The following CETN3 variants were observed in gnomAD, a reference collection of about 807,000 sequenced individuals.
CETN3 encodes centrin 3, also known as centrin-3.
Under a neutral mutation model 20.1 loss-of-function variants are expected in CETN3, and 17 were observed. That is an observed-to-expected ratio of 0.85 (90% CI 0.58 to 1.27). The LOEUF is 1.27. Among genes scored for constraint, CETN3 ranks in the 50% most tolerant of loss-of-function variants. The probability of loss-of-function intolerance (pLI) is 0.00; values close to 1 mark genes in which losing one functional copy is unlikely to be tolerated. For missense variants in CETN3, 169 were observed against 191.2 expected, an observed-to-expected ratio of 0.88 and a Z score of 0.69; for synonymous variants, 52 against 59.7, an observed-to-expected ratio of 0.87 and a Z score of 0.59.
intron 1 of CETN3, among the ~76,000 whole-genome samples, chr5:90,408,625 T>C (rs973396832): frequency 1.3e-5 from 2 of 152,118 alleles, no homozygotes; most frequent in African/African-American, 4.8e-5. Context: ...GCCAGAAATG[T>C]TTTCCTTAAG....
At chr5:90,406,052 T>C (rs1198878115) in intron 2 of CETN3, among the ~76,000 whole-genome samples, 1 of 152,058 alleles carries the variant, frequency 6.6e-6, no homozygotes, top group African/African-American at 2.4e-5. Context: ...CAGATTTTAC[T>C]ATATAAAATG....
At chr5:90,399,315 AG>A (rs1318020806) in intron 4 of CETN3, 42 bp downstream of exon 4, 1 of 1,581,042 alleles carries the variant, frequency 6.3e-7, no homozygotes. Context: ...TTACATGTGT[AG>A]CATCAGGAAA....
chr5:90,405,986 GT>G (rs34987197), intron 2 of CETN3, among the ~76,000 whole-genome samples, 187 bp from the exon 3 acceptor site: 2 of 152,072 alleles, frequency 1.3e-5, no homozygotes, highest in Non-Finnish European at 2.9e-5. Context: ...GTATGCATAA[GT>G]TTTTTCATTT....
intron 3 of CETN3, among the ~76,000 whole-genome samples, chr5:90,402,508 TC>T (rs879927356): frequency 6.6e-6 from 1 of 152,192 alleles, no homozygotes; most frequent in Admixed American, 6.5e-5. Flanking sequence ...TCTCTACTCT[TC>T]CTGGCAATCT....
intron 4 of CETN3, among the ~76,000 whole-genome samples, chr5:90,397,591 G>C (rs953605096): frequency 6.6e-6 from 1 of 152,082 alleles, no homozygotes; most frequent in African/African-American, 2.4e-5. Context: ...AGTTCCAACT[G>C]AGTATGTTGC....
intron 4 of CETN3, chr5:90,396,473 T>A: frequency 6.6e-7 from 1 of 1,524,998 alleles, no homozygotes; most frequent in African/African-American, 1.4e-5. Context: ...AAATTATTAA[T>A]CAGTTTAGCC....
At chr5:90,407,148 C>T (rs1447034855) in intron 2 of CETN3, among the ~76,000 whole-genome samples, 2 of 151,872 alleles carry the variant, frequency 1.3e-5, no homozygotes, top group African/African-American at 4.8e-5. Flanking sequence ...CTCCTTATAC[C>T]CTGACAAATA....
At chr5:90,406,657 A>G (rs541423215) in intron 2 of CETN3, among the ~76,000 whole-genome samples, 4 of 152,008 alleles carry the variant, frequency 2.6e-5, no homozygotes, top group African/African-American at 7.2e-5. Flanking sequence ...GTTTATGAGC[A>G]ATGAACAATT....
At chr5:90,403,089 T>C (rs1270727894) in intron 3 of CETN3, among the ~76,000 whole-genome samples, 1 of 152,252 alleles carries the variant, frequency 6.6e-6, no homozygotes, top group African/African-American at 2.4e-5. Flanking sequence ...TCAGGCTGTC[T>C]TGACTCTAAA....
chr5:90,397,454 C>T (rs767109662), intron 4 of CETN3, among the ~76,000 whole-genome samples: 2 of 151,998 alleles, frequency 1.3e-5, no homozygotes, highest in Non-Finnish European at 2.9e-5. Context: ...ATTTTTCATA[C>T]ATCAACCATT....
intron 3 of CETN3, among the ~76,000 whole-genome samples, chr5:90,399,820 AGGACT>A (rs1353767691): frequency 1.3e-5 from 2 of 152,222 alleles, no homozygotes; most frequent in Non-Finnish European, 2.9e-5. Flanking sequence ...CAAAATAAAA[AGGACT>A]ACATTTATAC....
intron 4 of CETN3, chr5:90,398,907 C>T: frequency 4.6e-6 from 1 of 216,892 alleles, no homozygotes; most frequent in Non-Finnish European, 9.3e-6. Context: ...TAGCACCAGT[C>T]AACACGCAGG....
At chr5:90,399,851 TCTA>T (rs1191251222) in intron 3 of CETN3, among the ~76,000 whole-genome samples, 1 of 152,178 alleles carries the variant, frequency 6.6e-6, no homozygotes, top group Non-Finnish European at 1.5e-5. Context: ...TTATTTAAGA[TCTA>T]CTATTATCAA....
At chr5:90,396,417 A>G in intron 4 of CETN3, 1 of 1,469,990 alleles carries the variant, frequency 6.8e-7, no homozygotes, top group Non-Finnish European at 9.0e-7. Flanking sequence ...ATCTTAGGAA[A>G]GCTATGATCC....
intron 3 of CETN3, among the ~76,000 whole-genome samples, chr5:90,403,725 G>C (rs988469231): frequency 3.7e-4 from 56 of 150,508 alleles, no homozygotes; most frequent in Non-Finnish European, 7.1e-4. Context: ...CAAAAAATTA[G>C]CCGGGCGTAG....
chr5:90,409,513 C>G (rs1749566592), intron 1 of CETN3, 132 bp downstream of exon 1: 1 of 1,062,790 alleles, frequency 9.4e-7, no homozygotes. Flanking sequence ...GCAGGCTGCC[C>G]TAGGCTCCTT....
At chr5:90,400,297 C>T (rs749037925) in intron 3 of CETN3, among the ~76,000 whole-genome samples, 11 of 152,086 alleles carry the variant, frequency 7.2e-5, no homozygotes, top group Non-Finnish European at 1.6e-4. Context: ...TAGTTTCAAA[C>T]CTCAATGGTA....
At position 90,396,493 on chromosome 5, in the gene CETN3, C is replaced by T. The variant is rs1003813649; in HGVS notation, c.461-2386G>A. On this transcript the variant is annotated intron_variant, in intron 4 of 4. Coordinates refer to ENST00000283122, the MANE Select transcript of CETN3 (RefSeq NM_004365.4). ...ATTAATCAGTTTAGCCAGTGTGCAC[C>T]TTCACTGAAGAACTCCCGATTTAGA... 2.6e-6 allele frequency: 4 copies of T among 1,531,930 alleles called. No homozygotes were observed. The African/African-American group carries it at 4.1e-5, about 16-fold the overall frequency. The allele number at this position is 1,531,930 out of a possible 1,614,324, so 94.9% of individuals were successfully genotyped here.
intron 1 of CETN3, 69 bp from the exon 2 acceptor site, chr5:90,407,903 T>C (rs563645992): frequency 7.7e-7 from 1 of 1,301,474 alleles, no homozygotes; most frequent in Admixed American, 2.8e-5. Flanking sequence ...TAGCCAATAA[T>C]TACCTTCTAA....
Sources: allele counts gnomAD v4.1 joint callset (sites outside exome capture counted in the v4.1 genomes callset), GRCh38; gene constraint gnomAD v4.1.1; transcripts MANE v1.5; gene names NCBI Gene and HGNC (gene_info 2026-07-23, HGNC 2026-07-21).